PRMT7: variants seen among roughly 807,000 people sequenced by gnomAD.
PRMT7 encodes protein arginine methyltransferase 7, also known as protein arginine N-methyltransferase 7.
A neutral mutation model predicts 85.4 loss-of-function variants in PRMT7; 75 were observed. The ratio of observed to expected loss-of-function variants is 0.88; its 90% CI spans 0.73 to 1.06. The LOEUF (loss-of-function observed/expected upper bound fraction) is 1.06, where lower values mean the gene tolerates loss of function less well. PRMT7 is among the 50% of genes least tolerant of loss of function. The pLI, the probability that PRMT7 is intolerant of heterozygous loss-of-function variation, is 0.00. For missense variants in PRMT7, 868 were observed against 915.2 expected (o/e 0.95, Z 0.67); for synonymous variants, 397 against 359.5 (o/e 1.10, Z -1.18).
intron 4 of PRMT7, chr16:68,322,472 ATGGG>A: frequency 6.8e-6 from 3 of 440,030 alleles, no homozygotes; most frequent in East Asian, 7.3e-5. Flanking sequence ...TGCTGGGATT[ATGGG>A]CATGAGCTAC....
At chr16:68,344,261 G>A (rs964102651) in intron 9 of PRMT7, among the ~76,000 whole-genome samples, 2 of 152,184 alleles carry the variant, frequency 1.3e-5, no homozygotes, top group Admixed American at 6.5e-5. Flanking sequence ...GAGCCACCGT[G>A]TCCAGCTGGC....
At chr16:68,340,530 G>A (rs952954196) in intron 9 of PRMT7, among the ~76,000 whole-genome samples, 13 of 151,440 alleles carry the variant, frequency 8.6e-5, no homozygotes, top group Admixed American at 2.0e-4. Context: ...GCAGTGAGTC[G>A]GGACTGCATT....
intron 3 of PRMT7, among the ~76,000 whole-genome samples, chr16:68,318,555 A>G (rs754105673): frequency 6.6e-6 from 1 of 151,836 alleles, no homozygotes; most frequent in Non-Finnish European, 1.5e-5. Flanking sequence ...TATTGTTCAG[A>G]TGGAGTCTTA....
At chr16:68,347,546 T>C in intron 12 of PRMT7, 85 bp from the exon 13 acceptor site, 1 of 1,440,768 alleles carries the variant, frequency 6.9e-7, no homozygotes, top group Non-Finnish European at 9.7e-7. Context: ...TCCTCTGTCT[T>C]AGGATGGTCT....
At chr16:68,352,151 T>TGAG in intron 14 of PRMT7, 97 bp from the exon 15 acceptor site, 1 of 1,335,200 alleles carries the variant, frequency 7.5e-7, no homozygotes, top group Non-Finnish European at 1.0e-6. Context: ...AGGGAGTGAC[T>TGAG]TGAGTGACTG....
chr16:68,333,986 G>A (rs1309995867), intron 6 of PRMT7, among the ~76,000 whole-genome samples: 4 of 152,074 alleles, frequency 2.6e-5, no homozygotes, highest in Non-Finnish European at 5.9e-5. Flanking sequence ...GGCCAAGCTG[G>A]TCTTGAACTC....
chr16:68,357,082 A>G lies in PRMT7; in HGVS notation c.1937A>G (p.Lys646Arg), dbSNP rs2088706950. ...EGGCCWNPHCKQAVYFFSPAP... is the reference protein window; with the variant it reads ...EGGCCWNPHCRQAVYFFSPAP... ...GGCTGCTGCTGGAACCCCCACTGCA[A>G]GCAGGCCGTCTACTTCTTCAGCCCT... is the stretch of plus-strand genomic sequence containing the variant. Residue 646 changes from lysine (K) to arginine (R), a missense_variant, in exon 19 of 19, where the codon AAG becomes AGG. Coordinates refer to ENST00000441236, the MANE Select transcript of PRMT7 (RefSeq NM_019023.5). 1.2e-6 allele frequency: 2 copies of G among 1,611,726 alleles called. No individual in the cohort carries two copies. Among genetic ancestry groups the G allele is most frequent in the Admixed American group, 1.7e-5 (1 of 59,668 alleles).
At chr16:68,353,908 G>A (rs567498477) in intron 16 of PRMT7, among the ~76,000 whole-genome samples, 12 of 152,314 alleles carry the variant, frequency 7.9e-5, no homozygotes, top group African/African-American at 1.2e-4. Context: ...TTCCCGGGAG[G>A]GGTACCTGAG....
In PRMT7 at chr16:68,324,579, C is replaced by A; in HGVS notation, c.133-104C>A. On this transcript the variant is annotated intron_variant, in intron 4 of 18. Coordinates refer to ENST00000441236, the MANE Select transcript of PRMT7 (RefSeq NM_019023.5). The stretch of plus-strand genomic sequence containing the variant: ...CCAGGGGCCAGAAAGGCCATAGGGC[C>A]CTGACTTGCACTGCCACTGCCAGCT... The A allele has an allele frequency of 4.2e-6, 6 of 1,413,642 alleles. No individual in the cohort carries two copies. In the South Asian group the frequency reaches 7.6e-5, roughly 18 times the overall value. 87.6% of individuals were successfully genotyped at this position (1,413,642 alleles called of 1,614,324 possible).
At chr16:68,322,983 G>A (rs905722251) in intron 4 of PRMT7, among the ~76,000 whole-genome samples, 9 of 152,036 alleles carry the variant, frequency 5.9e-5, no homozygotes, top group East Asian at 1.9e-4. Context: ...GCAGTGAGCC[G>A]AGATTGCACC....
At chr16:68,354,840 A>T (rs1038700440) in intron 16 of PRMT7, 1 of 152,370 alleles carries the variant, frequency 6.6e-6, no homozygotes, top group Non-Finnish European at 1.5e-5. Context: ...TTTTACTTCT[A>T]TGCTTTCCAA....
rs371664262 is a variant in PRMT7 at position 68,337,614 on chromosome 16, C to T, written c.504+43C>T. On this transcript the variant is annotated intron_variant, in intron 7 of 18. Transcript: ENST00000441236. ...CCCTCAGACGTGTCTGTGGTCTCAG[C>T]CAGCTCACATAGCACTCACTCATGC... The T allele has an allele frequency of 2.3e-4, 318 of 1,377,318 alleles. 1 individual carries two copies. In the African/African-American group the frequency reaches 4.0e-3, roughly 17 times the overall value. 85.3% of individuals were successfully genotyped at this position (1,377,318 alleles called of 1,614,324 possible).
chr16:68,347,827 A>G (rs1245102767), intron 13 of PRMT7, 149 bp downstream of exon 13: 15 of 677,628 alleles, frequency 2.2e-5, no homozygotes, highest in Middle Eastern at 4.0e-4. Context: ...GAGAGCAGCC[A>G]GAGGCCTTGG....
rs1361572673 is a variant in PRMT7, at chr16:68,358,401, T to C, written c.*1177T>C. The C allele has an allele frequency of 6.5e-6, 1 of 152,732 alleles. No homozygotes were observed. The highest frequency in any genetic ancestry group is 1.5e-5 in the Non-Finnish European group (1 of 68,052). 9.5% of individuals were successfully genotyped at this position (152,732 alleles called of 1,614,324 possible). A position where few individuals can be genotyped will look rare whatever the true frequency, so the allele number is the denominator to read the frequency against. On this transcript the variant is annotated 3_prime_UTR_variant, in exon 19 of 19. Coordinates refer to ENST00000441236, the MANE Select transcript of PRMT7 (RefSeq NM_019023.5). ...CACCAGTAAGGAAAAAGAACACCTC[T>C]CTTCGCAAAATATTTTATCAGGTGT...
intron 9 of PRMT7, among the ~76,000 whole-genome samples, chr16:68,340,990 AAT>A (rs1260775607): frequency 6.6e-6 from 1 of 152,216 alleles, no homozygotes; most frequent in African/African-American, 2.4e-5. Flanking sequence ...TAAAAATAGG[AAT>A]ATATGTGTTT....
chr16:68,342,289 A>G (rs552958655), intron 9 of PRMT7, among the ~76,000 whole-genome samples: 1 of 152,196 alleles, frequency 6.6e-6, no homozygotes, highest in Non-Finnish European at 1.5e-5. Flanking sequence ...AAAAATAATA[A>G]GAACAAAAAA....
intron 17 of PRMT7, among the ~76,000 whole-genome samples, 193 bp from the exon 18 acceptor site, chr16:68,356,508 G>T (rs538430984): frequency 2.6e-5 from 4 of 152,392 alleles, no homozygotes; most frequent in African/African-American, 4.8e-5. Flanking sequence ...TGGCTCAGGT[G>T]GGGGCTTGGC....
At chr16:68,356,324 A>G (rs1289771910) in intron 17 of PRMT7, among the ~76,000 whole-genome samples, 14 of 152,168 alleles carry the variant, frequency 9.2e-5, no homozygotes, top group Admixed American at 8.5e-4. Flanking sequence ...GCACCTCCCA[A>G]CTCGGGGCAG....
intron 2 of PRMT7, among the ~76,000 whole-genome samples, chr16:68,314,145 A>G (rs1219247226): frequency 1.3e-5 from 2 of 152,230 alleles, no homozygotes; most frequent in Admixed American, 1.3e-4. Context: ...TTTTAGTAGT[A>G]GAGTTTTACC....
Sources: gnomAD v4.1 joint callset for allele counts (sites outside exome capture counted in the v4.1 genomes callset) on GRCh38, gnomAD v4.1.1 for gene constraint, MANE v1.5 for transcripts, NCBI Gene and HGNC (gene_info 2026-07-23, HGNC 2026-07-21) for gene names.